The following GRM5 variants were observed in gnomAD, a reference collection of about 807,000 sequenced individuals.
The protein encoded by GRM5 is metabotropic glutamate receptor 5.
Under a neutral mutation model 83.1 loss-of-function variants are expected in GRM5, and 19 were observed. The ratio of observed to expected loss-of-function variants is 0.23; its 90% CI spans 0.16 to 0.34. The LOEUF (loss-of-function observed/expected upper bound fraction) is 0.34, where lower values mean the gene tolerates loss of function less well. Ranked by LOEUF, GRM5 falls within the 10% of genes least tolerant of loss-of-function variation. The probability of loss-of-function intolerance (pLI) is 1.00; values close to 1 mark genes in which losing one functional copy is unlikely to be tolerated. For missense variants in GRM5, 1,160 were observed against 1,588.3 expected, an observed-to-expected ratio of 0.73 and a Z score of 4.58; for synonymous variants, 675 against 633.6, an observed-to-expected ratio of 1.07 and a Z score of -0.98.
chr11:88,570,571 ATTTTTTT>A (rs1194098388), intron 7 of GRM5, among the ~76,000 whole-genome samples: 293 of 46,334 alleles, frequency 6.3e-3, no homozygotes, highest in East Asian at 0.019. Flanking sequence ...ATATATATAT[ATTTTTTT>A]TTTTTTTTTT....
At chr11:88,632,483 C>T (rs1939002928) in intron 4 of GRM5, among the ~76,000 whole-genome samples, 1 of 151,966 alleles carries the variant, frequency 6.6e-6, no homozygotes, top group African/African-American at 2.4e-5. Context: ...ATCCTCCTGC[C>T]TTGGCTTTTC....
At chr11:88,911,574 A>G (rs1479692142) in intron 2 of GRM5, among the ~76,000 whole-genome samples, 1 of 152,168 alleles carries the variant, frequency 6.6e-6, no homozygotes. Context: ...AGCATAGTGT[A>G]TAGAAAACAG....
intron 3 of GRM5, among the ~76,000 whole-genome samples, chr11:88,691,190 A>C (rs1429929050): frequency 6.6e-6 from 1 of 152,326 alleles, no homozygotes; most frequent in Non-Finnish European, 1.5e-5. Flanking sequence ...TTTCTAATAA[A>C]GTTAAATAGA....
intron 2 of GRM5, among the ~76,000 whole-genome samples, chr11:88,898,940 A>G (rs947755283): frequency 6.6e-6 from 1 of 151,970 alleles, no homozygotes; most frequent in African/African-American, 2.4e-5. Flanking sequence ...CAGCTTACCA[A>G]AAATGCCCTT....
At chr11:88,708,729 A>G (rs970769979) in intron 3 of GRM5, among the ~76,000 whole-genome samples, 2 of 152,082 alleles carry the variant, frequency 1.3e-5, no homozygotes, top group East Asian at 1.9e-4. Context: ...AGCTTTTTCT[A>G]TATCCAGCTC....
chr11:88,759,616 A>G (rs1468756033), intron 3 of GRM5, among the ~76,000 whole-genome samples: 1 of 152,184 alleles, frequency 6.6e-6, no homozygotes, highest in Non-Finnish European at 1.5e-5. Context: ...AGATTCCCAC[A>G]CAATAATAGT....
rs754979758 is a variant in GRM5, at chr11:88,567,397, T to G, written c.2286A>C (p.Arg762Ser). Residue 762 changes from arginine (R) to serine (S), a missense_variant, in exon 8 of 10, where the codon AGA becomes AGC. Physicochemically the swap from Arg to Ser is moderately radical, Grantham distance 110. Around this residue, in one of 9 missense-constraint regions of GRM5, gnomAD observed 66 missense variants for 138.6 expected, o/e 0.48. Transcript: ENST00000305447. The surrounding 1 kb of genome is among the most constrained non-coding windows in gnomAD (Gnocchi z 7.3). The stretch of plus-strand genomic sequence containing the variant: ...CCTCGTTGAAGTTAGCTGGAACATT[T>G]CTGGTCTTGAACGCATAGAAGGTGC... ...LSCTFYAFKT[R>S]NVPANFNEAK... The G allele has an allele frequency of 6.2e-7, 1 of 1,614,088 alleles. No homozygotes were observed. Among genetic ancestry groups the G allele is most frequent in the Admixed American group, 1.7e-5 (1 of 60,026 alleles).
intron 3 of GRM5, among the ~76,000 whole-genome samples, chr11:88,755,149 T>C (rs888936798): frequency 6.6e-6 from 1 of 152,184 alleles, no homozygotes; most frequent in Non-Finnish European, 1.5e-5. Flanking sequence ...TGTATTTAGA[T>C]GTTTCAATAA....
intron 2 of GRM5, among the ~76,000 whole-genome samples, chr11:88,920,624 CA>C (rs1011049403): frequency 2.0e-5 from 3 of 152,008 alleles, no homozygotes; most frequent in African/African-American, 7.2e-5. Context: ...GAAGACACAT[CA>C]AAAAAACAAA....
chr11:88,839,483 G>A (rs1499183), intron 3 of GRM5, among the ~76,000 whole-genome samples: 19,502 of 152,096 alleles, frequency 0.13, 2,696 homozygotes, highest in African/African-American at 0.35. Flanking sequence ...TTAAAACATT[G>A]TGATGCCATT....
At chr11:88,755,012 T>C (rs1942367014) in intron 3 of GRM5, among the ~76,000 whole-genome samples, 1 of 152,124 alleles carries the variant, frequency 6.6e-6, no homozygotes, top group African/African-American at 2.4e-5. Context: ...AGATATATAG[T>C]CCCCACTTTC....
At chr11:88,854,019 T>C (rs1944428664) in intron 2 of GRM5, among the ~76,000 whole-genome samples, 1 of 144,260 alleles carries the variant, frequency 6.9e-6, no homozygotes, top group Non-Finnish European at 1.5e-5. Flanking sequence ...AAAAGCCAAG[T>C]TATATCCATC....
intron 4 of GRM5, among the ~76,000 whole-genome samples, chr11:88,651,272 A>G (rs941003862): frequency 2.0e-5 from 3 of 152,092 alleles, no homozygotes; most frequent in Non-Finnish European, 4.4e-5. Context: ...GGCATTTCAG[A>G]CCAAAAAACA....
intron 4 of GRM5, among the ~76,000 whole-genome samples, chr11:88,614,792 G>T (rs916661045): frequency 2.0e-5 from 3 of 152,154 alleles, no homozygotes; most frequent in African/African-American, 7.2e-5. Flanking sequence ...GTAGACAAGT[G>T]AAGTCGATTT....
intron 4 of GRM5, among the ~76,000 whole-genome samples, chr11:88,605,371 G>A (rs548539657): frequency 1.3e-5 from 2 of 150,802 alleles, no homozygotes; most frequent in South Asian, 4.2e-4. Flanking sequence ...AAACTATTAT[G>A]TTCTCTTACC....
intron 2 of GRM5, among the ~76,000 whole-genome samples, chr11:88,867,718 C>T (rs760894313): frequency 3.0e-4 from 46 of 151,494 alleles, no homozygotes; most frequent in Non-Finnish European, 5.7e-4. Flanking sequence ...TGCACATTAT[C>T]GTGTGAAGAT....
At chr11:88,529,062 CAG>C (rs1747663915) in intron 8 of GRM5, among the ~76,000 whole-genome samples, 2 of 151,944 alleles carry the variant, frequency 1.3e-5, no homozygotes, top group African/African-American at 2.4e-5. Flanking sequence ...AAATAAGTAG[CAG>C]AGTTATCAAG....
chr11:88,742,715 A>G (rs369421663), intron 3 of GRM5, among the ~76,000 whole-genome samples: 4 of 152,280 alleles, frequency 2.6e-5, no homozygotes, highest in East Asian at 3.9e-4. Context: ...CAGTTTGTAG[A>G]AAAGGAATGT....
chr11:88,983,441 A>C (rs1939592111), intron 2 of GRM5, among the ~76,000 whole-genome samples: 1 of 152,230 alleles, frequency 6.6e-6, no homozygotes, highest in South Asian at 2.1e-4. Context: ...GATTATAATG[A>C]AGCCGAAACA....
Sources: allele counts gnomAD v4.1 joint callset (sites outside exome capture counted in the v4.1 genomes callset), GRCh38; gene constraint gnomAD v4.1.1; regional missense constraint gnomAD v4.1.1; non-coding constraint Gnocchi (gnomAD v3.1); transcripts MANE v1.5; gene names NCBI Gene and HGNC (gene_info 2026-07-23, HGNC 2026-07-21).